The following CNTNAP2 variants were observed in gnomAD, a reference collection of about 807,000 sequenced individuals.
CNTNAP2 encodes the protein contactin associated protein 2.
A neutral mutation model predicts 155.2 loss-of-function variants in CNTNAP2; 98 were observed. The ratio of observed to expected loss-of-function variants is 0.63; its 90% CI spans 0.54 to 0.75. The LOEUF is 0.75. CNTNAP2 is among the 30% of genes least tolerant of loss of function. The probability of loss-of-function intolerance (pLI) is 0.00; values close to 1 mark genes in which losing one functional copy is unlikely to be tolerated. For missense variants in CNTNAP2, 1,727 were observed against 1,688.1 expected, an observed-to-expected ratio of 1.02 and a Z score of -0.40; for synonymous variants, 651 against 631.2, an observed-to-expected ratio of 1.03 and a Z score of -0.47.
intron 21 of CNTNAP2, among the ~76,000 whole-genome samples, chr7:148,355,682 G>A (rs1798501680): frequency 6.6e-6 from 1 of 152,164 alleles, no homozygotes. Context: ...TCCATCTCTT[G>A]TTCCCTTGAA....
intron 9 of CNTNAP2, among the ~76,000 whole-genome samples, chr7:147,331,605 G>C (rs1181428884): frequency 2.0e-5 from 3 of 152,074 alleles, no homozygotes; most frequent in Non-Finnish European, 2.9e-5. Context: ...AGGAGACAGA[G>C]ACACAAATGA....
At chr7:148,281,133 A>G (rs60603857) in intron 21 of CNTNAP2, among the ~76,000 whole-genome samples, 22,271 of 152,132 alleles carry the variant, frequency 0.15, 2,106 homozygotes, top group African/African-American at 0.26. Flanking sequence ...TGCGCTAGCC[A>G]GTAGAGATTA....
chr7:148,034,019 G>A (rs1802528661), intron 15 of CNTNAP2, among the ~76,000 whole-genome samples: 2 of 152,174 alleles, frequency 1.3e-5, no homozygotes, highest in South Asian at 2.1e-4. Context: ...AAAAACTCTA[G>A]AATAAACAAA....
At chr7:146,239,096 G>T (rs1375643166) in intron 1 of CNTNAP2, among the ~76,000 whole-genome samples, 4 of 152,082 alleles carry the variant, frequency 2.6e-5, no homozygotes, top group Non-Finnish European at 5.9e-5. Context: ...TATGTGTTTG[G>T]AACAATTTAG....
chr7:146,519,595 A>G (rs1264248204), intron 1 of CNTNAP2, among the ~76,000 whole-genome samples: 1 of 151,936 alleles, frequency 6.6e-6, no homozygotes, highest in East Asian at 1.9e-4. Flanking sequence ...CTTTTTGAGA[A>G]CCCATTTTGT....
At chr7:146,553,865 G>A (rs577155861) in intron 1 of CNTNAP2, among the ~76,000 whole-genome samples, 10 of 152,042 alleles carry the variant, frequency 6.6e-5, no homozygotes, top group South Asian at 4.2e-4. Flanking sequence ...ACTCATGACC[G>A]GCATAGTTTT....
At chr7:148,240,304 C>T (rs541891590) in intron 20 of CNTNAP2, among the ~76,000 whole-genome samples, 3 of 152,222 alleles carry the variant, frequency 2.0e-5, no homozygotes, top group South Asian at 4.2e-4. Context: ...AAGATGTGTC[C>T]AGTCACTAGG....
At chr7:147,349,205 C>T (rs1795928766) in intron 9 of CNTNAP2, among the ~76,000 whole-genome samples, 1 of 151,680 alleles carries the variant, frequency 6.6e-6, no homozygotes, top group Non-Finnish European at 1.5e-5. Context: ...CTAATCTGAC[C>T]GTTATACATT....
At chr7:146,638,959 G>A (rs1371985773) in intron 1 of CNTNAP2, among the ~76,000 whole-genome samples, 3 of 152,138 alleles carry the variant, frequency 2.0e-5, no homozygotes, top group Non-Finnish European at 4.4e-5. Flanking sequence ...ACATACAGCT[G>A]TACTAATGCT....
chr7:146,529,224 A>G (rs921748070), intron 1 of CNTNAP2, among the ~76,000 whole-genome samples: 5 of 152,316 alleles, frequency 3.3e-5, no homozygotes, highest in African/African-American at 1.2e-4. Flanking sequence ...TTTGTTCAAT[A>G]TAAATGTTTT....
intron 13 of CNTNAP2, among the ~76,000 whole-genome samples, chr7:147,698,071 G>A (rs1796187882): frequency 6.6e-6 from 1 of 152,084 alleles, no homozygotes; most frequent in South Asian, 2.1e-4. Flanking sequence ...ATGGATTTCT[G>A]TTTGGTTATT....
At chr7:146,821,361 TG>T in intron 2 of CNTNAP2, among the ~76,000 whole-genome samples, 1 of 152,246 alleles carries the variant, frequency 6.6e-6, no homozygotes, top group African/African-American at 2.4e-5. Context: ...GCAGGCCTGG[TG>T]GTGACAAAAT....
chr7:148,050,895 G>A (rs559286365), intron 15 of CNTNAP2, among the ~76,000 whole-genome samples: 18 of 152,252 alleles, frequency 1.2e-4, no homozygotes, highest in African/African-American at 4.3e-4. Context: ...TTGTAGCCTG[G>A]GAGCAACGGG....
chr7:148,367,365 AAAT>A (rs1482340129), intron 21 of CNTNAP2, among the ~76,000 whole-genome samples: 1 of 152,242 alleles, frequency 6.6e-6, no homozygotes, highest in Non-Finnish European at 1.5e-5. Flanking sequence ...CAGAAGAAAA[AAAT>A]GAACTGTTAA....
At chr7:146,831,523 A>G (rs185896627) in intron 2 of CNTNAP2, among the ~76,000 whole-genome samples, 2 of 152,044 alleles carry the variant, frequency 1.3e-5, no homozygotes, top group Admixed American at 6.6e-5. Flanking sequence ...TAAAAATACA[A>G]AAATTAACTG....
intron 8 of CNTNAP2, among the ~76,000 whole-genome samples, chr7:147,158,205 T>C (rs1159729200): frequency 6.6e-6 from 1 of 152,112 alleles, no homozygotes; most frequent in South Asian, 2.1e-4. Context: ...CTCTACATTT[T>C]AGGTTTTCAA....
chr7:146,616,367 TAAA>T (rs995186928), intron 1 of CNTNAP2, among the ~76,000 whole-genome samples: 1 of 152,024 alleles, frequency 6.6e-6, no homozygotes, highest in Admixed American at 6.5e-5. Flanking sequence ...AATGAATAAA[TAAA>T]AAATATTTAT....
intron 1 of CNTNAP2, among the ~76,000 whole-genome samples, chr7:146,412,629 A>C (rs1795882056): frequency 6.6e-6 from 1 of 152,202 alleles, no homozygotes; most frequent in African/African-American, 2.4e-5. Flanking sequence ...GGAAGTTTAA[A>C]GTTACTGCAG....
At chr7:147,121,971 T>A (rs1478576859) in intron 6 of CNTNAP2, 1 of 150,098 alleles carries the variant, frequency 6.7e-6, no homozygotes, top group Non-Finnish European at 1.5e-5. Context: ...GGGTCAGGAG[T>A]TCAAGACCAG....
Sources: allele counts gnomAD v4.1 joint callset (sites outside exome capture counted in the v4.1 genomes callset), GRCh38; gene constraint gnomAD v4.1.1; transcripts MANE v1.5; gene names NCBI Gene and HGNC (gene_info 2026-07-23, HGNC 2026-07-21).